The following PLAAT5 variants were observed in gnomAD, a reference collection of about 807,000 sequenced individuals.
The protein encoded by PLAAT5 is phospholipase A and acyltransferase 5.
A neutral mutation model predicts 27.8 loss-of-function variants in PLAAT5; 27 were observed. The observed-to-expected ratio is 0.97, with a 90% CI of 0.72 to 1.34. PLAAT5 has a LOEUF of 1.34. PLAAT5 is among the 40% of genes most tolerant of loss of function. The probability of loss-of-function intolerance (pLI) is 0.00; values close to 1 mark genes in which losing one functional copy is unlikely to be tolerated. For missense variants in PLAAT5, 368 were observed against 343.8 expected, an observed-to-expected ratio of 1.07 and a Z score of -0.56; for synonymous variants, 125 against 136.1, an observed-to-expected ratio of 0.92 and a Z score of 0.57.
At chr11:63,490,817 G>T (rs556717686) in intron 1 of PLAAT5, 70 bp downstream of exon 1, 10 of 1,406,688 alleles carry the variant, frequency 7.1e-6, no homozygotes, top group Non-Finnish European at 9.7e-6. Flanking sequence ...AAGGAGCTTT[G>T]AGGGTAACCG....
intron 2 of PLAAT5, 65 bp from the exon 3 acceptor site, chr11:63,489,041 A>T: frequency 1.7e-6 from 2 of 1,160,808 alleles, no homozygotes; most frequent in Non-Finnish European, 2.6e-6. Context: ...GAAAATCTGT[A>T]TTACAGATTT....
In PLAAT5 at chr11:63,462,817, T is replaced by C. The variant is rs1209225327; in HGVS notation, c.*686A>G. ...ATCTGAAATCAGTGAGACTAGAAAC[T>C]TCACATTTTAGGGTAATTATGAGGT... is the stretch of plus-strand genomic sequence containing the variant. On this transcript the variant is annotated 3_prime_UTR_variant, in exon 6 of 6. Transcript: ENST00000540857. The C allele has an allele frequency of 6.6e-6, 1 of 152,208 alleles. No individual in the cohort carries two copies. The highest frequency in any genetic ancestry group is 6.5e-5 in the Admixed American group (1 of 15,284). The allele number at this position is 152,208 out of a possible 1,614,324, so 9.4% of individuals were successfully genotyped here. A position where few individuals can be genotyped will look rare whatever the true frequency, so the allele number is the denominator to read the frequency against.
Position 63,463,334 on chromosome 11 carries a change from T to A in PLAAT5, c.*169A>T, listed in dbSNP as rs146829823. ...CCCATCCTGAGAGTCTGTGGGTCTA[T>A]GCTCGTATATATTGGATGTATTTCT... On this transcript the variant is annotated 3_prime_UTR_variant, in exon 6 of 6. Transcript: ENST00000540857. 1.5e-6 allele frequency: 1 copy of A among 657,992 alleles called. No homozygotes were observed. Among genetic ancestry groups the A allele is most frequent in the African/African-American group, 1.8e-5 (1 of 56,084 alleles). 40.8% of individuals were successfully genotyped at this position (657,992 alleles called of 1,614,324 possible).
At chr11:63,488,806 A>G (rs2016495837) in intron 3 of PLAAT5, 65 bp downstream of exon 3, 2 of 1,108,068 alleles carry the variant, frequency 1.8e-6, no homozygotes, top group Non-Finnish European at 2.7e-6. Flanking sequence ...AAAGTAAAAT[A>G]CAATATGTAG....
intron 4 of PLAAT5, among the ~76,000 whole-genome samples, chr11:63,468,030 C>T (rs181526655): frequency 6.6e-6 from 1 of 152,294 alleles, no homozygotes; most frequent in Non-Finnish European, 1.5e-5. Context: ...GGGGAATCCT[C>T]AGAAAGATGA....
rs143368953 is a variant in PLAAT5 at position 63,468,379 on chromosome 11, G to A, written c.432C>T (p.Cys144=). 4.1e-5 allele frequency: 66 copies of A among 1,612,984 alleles called. No homozygotes were observed. Among genetic ancestry groups the A allele is most frequent in the African/African-American group, 3.2e-4 (24 of 74,890 alleles). ...EHWAIYVEDD[C]VVHLAPPSEE... ...TACTTGGGGGAGCCAGATGGACCAC[G>A]CAATCATCTTCTACATAGATGGCCC... The change falls in exon 4 of 6, where the codon TGC becomes TGT. Residue 144 remains cysteine, a synonymous_variant. Transcript: ENST00000540857.
intron 4 of PLAAT5, among the ~76,000 whole-genome samples, chr11:63,467,767 A>C (rs976969171): frequency 2.6e-5 from 4 of 151,834 alleles, no homozygotes; most frequent in African/African-American, 9.7e-5. Flanking sequence ...TACTATCATC[A>C]CCTCCTCCCC....
At chr11:63,465,978 C>A (rs1390690149) in intron 5 of PLAAT5, 132 bp downstream of exon 5, 13 of 951,950 alleles carry the variant, frequency 1.4e-5, no homozygotes, top group Non-Finnish European at 1.8e-5. Flanking sequence ...TAAAGTCCTG[C>A]AGAAATAGAA....
chr11:63,471,244 A>G (rs762959117), intron 3 of PLAAT5, among the ~76,000 whole-genome samples: 6 of 152,244 alleles, frequency 3.9e-5, no homozygotes, highest in Non-Finnish European at 7.4e-5. Flanking sequence ...CATACATTAC[A>G]CTAAATCAGA....
chr11:63,483,787 ATATAT>A (rs2016350225), intron 3 of PLAAT5, among the ~76,000 whole-genome samples: 1 of 72,778 alleles, frequency 1.4e-5, no homozygotes, highest in African/African-American at 7.9e-5. Flanking sequence ...AAAAAAAAAT[ATATAT>A]ATATATATGT....
intron 3 of PLAAT5, among the ~76,000 whole-genome samples, chr11:63,478,316 A>G (rs2732326): frequency 0.2 from 30,407 of 151,804 alleles, 6,734 homozygotes; most frequent in African/African-American, 0.55. Flanking sequence ...CTGAGAACCA[A>G]TAGACTTTCT....
chr11:63,470,679 T>A (rs916071696), intron 3 of PLAAT5: 4 of 152,404 alleles, frequency 2.6e-5, no homozygotes, highest in African/African-American at 9.7e-5. Flanking sequence ...ATATAAATAA[T>A]GTGGCAAAAC....
At chr11:63,481,223 T>G (rs925813481) in intron 3 of PLAAT5, among the ~76,000 whole-genome samples, 1 of 152,184 alleles carries the variant, frequency 6.6e-6, no homozygotes, top group Non-Finnish European at 1.5e-5. Context: ...GTGGATCACC[T>G]GAGCTCAGGC....
In PLAAT5 at chr11:63,463,440, A is replaced by G; in HGVS notation, c.*63T>C. ...CGGAGCCATTGAGAGAAGGCAAGGGAAGGAAGCATGTTCTTTTTGCTTGTG... is the reference window on the plus strand; with the variant it reads ...CGGAGCCATTGAGAGAAGGCAAGGGGAGGAAGCATGTTCTTTTTGCTTGTG... On this transcript the variant is annotated 3_prime_UTR_variant, in exon 6 of 6. Transcript: ENST00000540857. The G allele has an allele frequency of 8.0e-7, 1 of 1,250,160 alleles. No individual in the cohort carries two copies. The highest frequency in any genetic ancestry group is 1.2e-6 in the Non-Finnish European group (1 of 853,860). 77.4% of individuals were successfully genotyped at this position (1,250,160 alleles called of 1,614,324 possible).
Position 63,465,741 on chromosome 11 carries a change from G to A in PLAAT5, c.717+369C>T, listed in dbSNP as rs141797079. On this transcript the variant is annotated intron_variant, in intron 5 of 5. Coordinates refer to ENST00000540857, the MANE Select transcript of PLAAT5 (RefSeq NM_001146729.2). ...GGAGGTTGTGGCTGCAATGAGCCAT[G>A]ATTATGTCATTACACTCCAGCCTAG... 1.7e-3 allele frequency among the ~76,000 whole-genome samples: 265 copies of A among 152,216 alleles called. 1 individual carries two copies. The highest frequency in any genetic ancestry group is 5.9e-3 in the African/African-American group (243 of 41,518).
At chr11:63,473,223 G>A (rs1019390884) in intron 3 of PLAAT5, among the ~76,000 whole-genome samples, 3 of 152,114 alleles carry the variant, frequency 2.0e-5, no homozygotes, top group Non-Finnish European at 4.4e-5. Context: ...CAGATTAAAG[G>A]TTTGTGACAA....
chr11:63,479,271 A>G (rs953494660), intron 3 of PLAAT5, among the ~76,000 whole-genome samples: 1 of 152,254 alleles, frequency 6.6e-6, no homozygotes, highest in Non-Finnish European at 1.5e-5. Context: ...CGTCCTTTGA[A>G]GAAGACTAAA....
chr11:63,483,785 ATAT>A (rs1565215082), intron 3 of PLAAT5, among the ~76,000 whole-genome samples: 9 of 88,604 alleles, frequency 1.0e-4, no homozygotes, highest in Admixed American at 4.3e-4. Flanking sequence ...CAAAAAAAAA[ATAT>A]ATATATATAT....
intron 3 of PLAAT5, among the ~76,000 whole-genome samples, chr11:63,487,214 T>A (rs1412245589): frequency 2.0e-5 from 3 of 152,180 alleles, no homozygotes; most frequent in Non-Finnish European, 4.4e-5. Flanking sequence ...CGTACTTGTA[T>A]ACAGAACTTC....
Sources: allele counts gnomAD v4.1 joint callset (sites outside exome capture counted in the v4.1 genomes callset), GRCh38; gene constraint gnomAD v4.1.1; transcripts MANE v1.5; gene names NCBI Gene and HGNC (gene_info 2026-07-23, HGNC 2026-07-21).